Variants in BBS9 observed in about 807,000 individuals in gnomAD.
BBS9 encodes protein PTHB1.
In BBS9, 89 loss-of-function variants were observed where a neutral mutation model predicts 117.7. That is an observed-to-expected ratio of 0.76 (90% CI 0.64 to 0.90). BBS9 has a LOEUF of 0.90. Ranked by LOEUF, BBS9 falls within the 40% of genes least tolerant of loss-of-function variation. The probability of loss-of-function intolerance (pLI) is 0.00; values close to 1 mark genes in which losing one functional copy is unlikely to be tolerated. For synonymous variants in BBS9, 379 were observed against 370.9 expected, an observed-to-expected ratio of 1.02 and a Z score of -0.25; for missense variants, 982 against 1,042.2, an observed-to-expected ratio of 0.94 and a Z score of 0.80.
chr7:33,379,371 A>G (rs1050349310), intron 17 of BBS9, among the ~76,000 whole-genome samples: 1 of 152,228 alleles, frequency 6.6e-6, no homozygotes, highest in Non-Finnish European at 1.5e-5. Context: ...CTGAAAATTT[A>G]TAGTTGAATG....
chr7:33,209,615 A>G (rs1487760114), intron 5 of BBS9, among the ~76,000 whole-genome samples: 5 of 152,052 alleles, frequency 3.3e-5, no homozygotes, highest in Admixed American at 6.6e-5. Flanking sequence ...TCACAGTTCA[A>G]TGTTGGTAGG....
chr7:33,555,490 A>C (rs1223176237), intron 21 of BBS9, among the ~76,000 whole-genome samples: 1 of 152,214 alleles, frequency 6.6e-6, no homozygotes. Flanking sequence ...AATAGTATGA[A>C]GGCAAGAGAT....
intron 9 of BBS9, among the ~76,000 whole-genome samples, chr7:33,308,563 G>A (rs1252581181): frequency 6.6e-6 from 1 of 152,120 alleles, no homozygotes; most frequent in African/African-American, 2.4e-5. Context: ...GTTTGTAGAG[G>A]TATAGGAGAG....
At chr7:33,420,148 G>A (rs1832642980) in intron 19 of BBS9, among the ~76,000 whole-genome samples, 1 of 152,172 alleles carries the variant, frequency 6.6e-6, no homozygotes, top group South Asian at 2.1e-4. Context: ...AGATTTTGGG[G>A]TCAGACAAAT....
chr7:33,130,745 A>T (rs893579939), intron 1 of BBS9, among the ~76,000 whole-genome samples: 1 of 152,046 alleles, frequency 6.6e-6, no homozygotes, highest in Non-Finnish European at 1.5e-5. Context: ...TAAAAAAAAA[A>T]CTAGAAAACC....
chr7:33,559,252 A>G (rs982331324), intron 21 of BBS9, among the ~76,000 whole-genome samples: 1 of 152,188 alleles, frequency 6.6e-6, no homozygotes, highest in Admixed American at 6.5e-5. Flanking sequence ...GTAAAGCACT[A>G]TGATAATTGC....
intron 21 of BBS9, among the ~76,000 whole-genome samples, chr7:33,540,340 G>T (rs538205404): frequency 6.6e-6 from 1 of 152,116 alleles, no homozygotes; most frequent in Non-Finnish European, 1.5e-5. Context: ...AGGACATAAA[G>T]GTGGATACAT....
chr7:33,376,926 C>T, intron 17 of BBS9, among the ~76,000 whole-genome samples: 1 of 151,766 alleles, frequency 6.6e-6, no homozygotes, highest in Non-Finnish European at 1.5e-5. Context: ...GTGTAAGTTC[C>T]TTATAGATTC....
intron 21 of BBS9, among the ~76,000 whole-genome samples, chr7:33,570,972 G>A (rs550262849): frequency 6.6e-6 from 1 of 152,318 alleles, no homozygotes; most frequent in Non-Finnish European, 1.5e-5. Flanking sequence ...CATAATGGAT[G>A]CTGAAACAGA....
chr7:33,627,781 G>A (rs963407329), intron 21 of BBS9, among the ~76,000 whole-genome samples: 3 of 152,152 alleles, frequency 2.0e-5, no homozygotes, highest in African/African-American at 7.2e-5. Context: ...CTGGGCATGG[G>A]GGCTCATGCC....
chr7:33,223,107 T>A (rs1790571712), intron 5 of BBS9, among the ~76,000 whole-genome samples: 2 of 151,924 alleles, frequency 1.3e-5, no homozygotes, highest in Admixed American at 6.6e-5. Flanking sequence ...ATTAATTTTT[T>A]AATTATATAT....
chr7:33,293,991 G>A (rs1308786761), intron 9 of BBS9, among the ~76,000 whole-genome samples: 1 of 151,848 alleles, frequency 6.6e-6, no homozygotes, highest in East Asian at 1.9e-4. Context: ...TTCTAATGTG[G>A]GGCATCTTAA....
intron 21 of BBS9, among the ~76,000 whole-genome samples, chr7:33,621,426 A>G (rs983944826): frequency 6.6e-6 from 1 of 152,240 alleles, no homozygotes; most frequent in African/African-American, 2.4e-5. Context: ...GATGGCCAAC[A>G]GGTATATGAA....
intron 17 of BBS9, 33 bp from the exon 18 acceptor site, chr7:33,383,633 A>G (rs201369791): frequency 6.4e-7 from 1 of 1,564,612 alleles, no homozygotes; most frequent in African/African-American, 1.3e-5. Context: ...ATTCTGTGTT[A>G]CTAAGCATTT....
chr7:33,421,289 T>A (rs1832822242), intron 19 of BBS9, among the ~76,000 whole-genome samples: 1 of 152,160 alleles, frequency 6.6e-6, no homozygotes, highest in Non-Finnish European at 1.5e-5. Flanking sequence ...AACTTTGAAT[T>A]TGTTTAGAAG....
chr7:33,489,317 A>G (rs903832941), intron 19 of BBS9, among the ~76,000 whole-genome samples: 31 of 148,748 alleles, frequency 2.1e-4, no homozygotes, highest in Non-Finnish European at 4.4e-4. Flanking sequence ...TTAAACAAAA[A>G]TAACCACTTA....
At chr7:33,255,723 G>A (rs147178333) in intron 5 of BBS9, among the ~76,000 whole-genome samples, 1 of 152,300 alleles carries the variant, frequency 6.6e-6, no homozygotes, top group African/African-American at 2.4e-5. Context: ...AGGTTTGCCA[G>A]ATAGCTAGAT....
intron 19 of BBS9, among the ~76,000 whole-genome samples, chr7:33,409,776 A>C (rs1456375417): frequency 1.3e-5 from 2 of 152,216 alleles, no homozygotes; most frequent in Non-Finnish European, 2.9e-5. Flanking sequence ...ACTTTTAAAA[A>C]TATGTTTATT....
At chr7:33,182,657 A>G (rs1330623787) in intron 5 of BBS9, among the ~76,000 whole-genome samples, 2 of 152,182 alleles carry the variant, frequency 1.3e-5, no homozygotes, top group African/African-American at 4.8e-5. Context: ...ATAATATTTA[A>G]GTGCCTATTA....
Sources: gnomAD v4.1 joint callset for allele counts (sites outside exome capture counted in the v4.1 genomes callset) on GRCh38, gnomAD v4.1.1 for gene constraint, MANE v1.5 for transcripts, NCBI Gene and HGNC (gene_info 2026-07-23, HGNC 2026-07-21) for gene names.